CYP3A7: variants seen among roughly 807,000 people sequenced by gnomAD.
The protein encoded by CYP3A7 is cytochrome P450 family 3 subfamily A member 7.
In CYP3A7, 45 loss-of-function variants were observed where a neutral mutation model predicts 55.2. That is an observed-to-expected ratio of 0.82 (90% confidence interval 0.64 to 1.05). CYP3A7 has a LOEUF of 1.05. Among genes scored for constraint, CYP3A7 ranks in the 50% least tolerant of loss-of-function variants. CYP3A7 has a pLI of 0.00. For missense variants in CYP3A7, 548 were observed against 605.3 expected (o/e 0.91, Z 0.99); for synonymous variants, 180 against 207.4 (o/e 0.87, Z 1.13).
chr7:99,730,486 C>T (rs1814570528), intron 2 of CYP3A7: 2 of 154,628 alleles, frequency 1.3e-5, no homozygotes, highest in East Asian at 3.8e-4. Context: ...GGGAGTAAGA[C>T]CTGGGTTAAA....
chr7:99,734,493 T>A (rs1259674286), intron 1 of CYP3A7, among the ~76,000 whole-genome samples: 1 of 152,232 alleles, frequency 6.6e-6, no homozygotes, highest in African/African-American at 2.4e-5. Flanking sequence ...TTCTTTCCAC[T>A]AAAGATGAAT....
chr7:99,713,533 G>A lies in CYP3A7; in HGVS notation c.801C>T (p.His267=). The A allele has an allele frequency of 2.5e-6, 4 of 1,613,362 alleles. No individual in the cohort carries two copies. The highest frequency in any genetic ancestry group is 3.4e-6 in the Non-Finnish European group (4 of 1,179,530). Residue 267 remains histidine, a splice_region_variant and synonymous_variant, in exon 9 of 13, where the codon CAC becomes CAT. Coordinates refer to ENST00000336374, the MANE Select transcript of CYP3A7 (RefSeq NM_000765.5). Reference sequence around the variant, plus strand: ...TCATCAGCTGAAGGAAATCCACTCGGTGCTAGAAGCAAAAAGAGAAATTTT... The same window carrying A: ...TCATCAGCTGAAGGAAATCCACTCGATGCTAGAAGCAAAAAGAGAAATTTT... ...KEGRLKETQK[H]RVDFLQLMID...
At chr7:99,734,154 C>T (rs1314576620) in intron 1 of CYP3A7, among the ~76,000 whole-genome samples, 1 of 152,174 alleles carries the variant, frequency 6.6e-6, no homozygotes, top group Admixed American at 6.5e-5. Flanking sequence ...ACTATGTTAC[C>T]ACAACTCACT....
In CYP3A7 at chr7:99,709,139, G is replaced by T. The variant is rs1398993536; in HGVS notation, c.1149C>A (p.Ile383=). The T allele has an allele frequency of 1.2e-6, 2 of 1,613,956 alleles. No individual in the cohort carries two copies. Among genetic ancestry groups the T allele is most frequent in the Non-Finnish European group, 1.7e-6 (2 of 1,179,938 alleles). ...CCCCTTTGGGAATAAACATCCCATT[G>T]ATTTCAACATCTTTTTTGCAGACCC... ...LERVCKKDVE[I]NGMFIPKGVV... The change falls in exon 11 of 13, where the codon ATC becomes ATA. Residue 383 remains isoleucine, a synonymous_variant. Coordinates refer to ENST00000336374, the MANE Select transcript of CYP3A7 (RefSeq NM_000765.5).
At chr7:99,716,498 A>G (rs1813954733) in intron 6 of CYP3A7, among the ~76,000 whole-genome samples, 1 of 152,168 alleles carries the variant, frequency 6.6e-6, no homozygotes, top group Non-Finnish European at 1.5e-5. Flanking sequence ...TGTAAAATAT[A>G]ATGACAAATG....
Position 99,727,970 on chromosome 7 carries a change from G to A in CYP3A7, c.165+3089C>T, listed in dbSNP as rs541835642. ...AAAGCTGGAGTCATTCACTGCAAAGGCCATCAAAGGGCCTCAGACCCCATT... is the reference window on the plus strand; with the variant it reads ...AAAGCTGGAGTCATTCACTGCAAAGACCATCAAAGGGCCTCAGACCCCATT... On this transcript the variant is annotated intron_variant, in intron 2 of 12. Transcript: ENST00000336374. Among the ~76,000 whole-genome samples, 8 of 152,264 alleles carry A rather than the reference G, an allele frequency of 5.3e-5. No individual in the cohort carries two copies. The East Asian group carries it at 1.5e-3, about 29-fold the overall frequency.
At chr7:99,721,518 G>A (rs1028055879) in intron 3 of CYP3A7, among the ~76,000 whole-genome samples, 3 of 152,096 alleles carry the variant, frequency 2.0e-5, no homozygotes, top group African/African-American at 7.2e-5. Context: ...GGCATCAAGG[G>A]AAGAAAAAAA....
In CYP3A7 at chr7:99,707,871, T is replaced by C; in HGVS notation, c.1357A>G (p.Lys453Glu). The C allele has an allele frequency of 1.2e-6, 2 of 1,614,056 alleles. No individual in the cohort carries two copies. Among genetic ancestry groups the C allele is most frequent in the Non-Finnish European group, 1.7e-6 (2 of 1,179,926 alleles). The change falls in exon 12 of 13, where the codon AAA (lysine) becomes GAA (glutamate). Residue 453 changes from lysine (K) to glutamate (E), a missense_variant. Coordinates refer to ENST00000336374, the MANE Select transcript of CYP3A7 (RefSeq NM_000765.5). ...IGMRFALVNM[K>E]LALVRVLQNF... is the part of the protein sequence containing the mutation. ...TGAAGGACTCTGACTAGAGCAAGTTTCATGTTCACGAGAGCAAACCTCATG... is the reference window on the plus strand; with the variant it reads ...TGAAGGACTCTGACTAGAGCAAGTTCCATGTTCACGAGAGCAAACCTCATG...
chr7:99,718,861 A>G (rs1338082167), intron 4 of CYP3A7, among the ~76,000 whole-genome samples: 1 of 152,216 alleles, frequency 6.6e-6, no homozygotes, highest in Non-Finnish European at 1.5e-5. Context: ...TGTACCAACA[A>G]TCAATATCTG....
At chr7:99,716,864 A>G (rs1813970409) in intron 6 of CYP3A7, among the ~76,000 whole-genome samples, 1 of 152,160 alleles carries the variant, frequency 6.6e-6, no homozygotes, top group African/African-American at 2.4e-5. Context: ...CATACACTCC[A>G]TGCTTAAAAC....
At chr7:99,716,413 C>T (rs1468920414) in intron 6 of CYP3A7, among the ~76,000 whole-genome samples, 1 of 152,188 alleles carries the variant, frequency 6.6e-6, no homozygotes, top group Non-Finnish European at 1.5e-5. Context: ...CTCTATACTC[C>T]CTGCTCAAGC....
chr7:99,710,356 A>T (rs922954205), intron 10 of CYP3A7, among the ~76,000 whole-genome samples: 1 of 152,222 alleles, frequency 6.6e-6, no homozygotes, highest in Non-Finnish European at 1.5e-5. Flanking sequence ...CAGCGCACCC[A>T]GGGCCAGGCT....
chr7:99,731,232 C>T (rs760683872), intron 1 of CYP3A7, 80 bp from the exon 2 acceptor site: 150 of 1,523,160 alleles, frequency 9.8e-5, no homozygotes, highest in Non-Finnish European at 1.3e-4. Flanking sequence ...GACTGAGGAA[C>T]TGGAATGATC....
At chr7:99,720,502 T>C in intron 3 of CYP3A7, 90 bp from the exon 4 acceptor site, 1 of 1,390,580 alleles carries the variant, frequency 7.2e-7, no homozygotes, top group Non-Finnish European at 1.0e-6. Flanking sequence ...GATCCGGACA[T>C]TACATAATCC....
rs148655413 is a variant in CYP3A7, at chr7:99,725,602, G to A, written c.166-3254C>T. Among the ~76,000 whole-genome samples the A allele has an allele frequency of 2.6e-4, 39 of 152,330 alleles. No individual in the cohort carries two copies. In the East Asian group the frequency reaches 6.4e-3, roughly 25 times the overall value. ...CACAGCCTGGGATTCCTCCTAAGCC[G>A]TGCCCTGTCTGTGTGGGCTCCAATT... On this transcript the variant is annotated intron_variant, in intron 2 of 12. Coordinates refer to ENST00000336374, the MANE Select transcript of CYP3A7 (RefSeq NM_000765.5).
At chr7:99,723,112 T>C (rs1177794310) in intron 2 of CYP3A7, among the ~76,000 whole-genome samples, 1 of 152,008 alleles carries the variant, frequency 6.6e-6, no homozygotes, top group Non-Finnish European at 1.5e-5. Context: ...ATCTTGGGGG[T>C]ACATCTACTA....
rs200663057 is a variant in CYP3A7 at position 99,713,507 on chromosome 7, A to G, written c.827T>C (p.Ile276Thr). The G allele has an allele frequency of 3.7e-5, 59 of 1,613,356 alleles. No individual in the cohort carries two copies. The highest frequency in any genetic ancestry group is 5.3e-5 in the African/African-American group (4 of 74,860). The change falls in exon 9 of 13, where the codon ATT becomes ACT. Residue 276 changes from isoleucine (I) to threonine (T), a missense_variant. Ile to Thr is a moderately conservative substitution (Grantham distance 89, BLOSUM62 -1). Transcript: ENST00000336374. ...AGAGTCTTTTGAATTCTGAGAGTCA[A>G]TCATCAGCTGAAGGAAATCCACTCG... is the stretch of plus-strand genomic sequence containing the variant. ...KHRVDFLQLM[I>T]DSQNSKDSET...
In CYP3A7 at chr7:99,714,617, T is replaced by C. The variant is rs115246825; in HGVS notation, c.736A>G (p.Ile246Val). The C allele has an allele frequency of 1.2e-4, 198 of 1,613,350 alleles. No homozygotes were observed. In the African/African-American group the frequency reaches 2.1e-3, roughly 17 times the overall value. Residue 246 changes from isoleucine (I) to valine (V), a missense_variant, in exon 8 of 13, where the codon ATA (isoleucine) becomes GTA (valine). Ile to Val is a conservative substitution (Grantham distance 29). Coordinates refer to ENST00000336374, the MANE Select transcript of CYP3A7 (RefSeq NM_000765.5). ...TTTACAGATTTTGTTAGAAAACTTA[T>C]AACTTTTCTTGGAAACACAGTGATA... is the stretch of plus-strand genomic sequence containing the variant. ...LNITVFPRKV[I>V]SFLTKSVKQI...
rs1166421473 is a variant in CYP3A7 at position 99,717,210 on chromosome 7, T to G, written c.488A>C (p.Glu163Ala). 1.2e-6 allele frequency: 2 copies of G among 1,613,850 alleles called. No individual in the cohort carries two copies. The highest frequency in any genetic ancestry group is 1.7e-6 in the Non-Finnish European group (2 of 1,179,834). The stretch of plus-strand genomic sequence containing the variant: ...GGTGACAGGCTTGCCTGTCTCTGCT[T>G]CCCGCCTCAGATTTCTCACCAACAC... Reference protein sequence around the residue: ...GDVLVRNLRREAETGKPVTLK... With the variant: ...GDVLVRNLRRAAETGKPVTLK... The change falls in exon 6 of 13, where the codon GAA becomes GCA. Residue 163 changes from glutamate to alanine, a missense_variant. Coordinates refer to ENST00000336374, the MANE Select transcript of CYP3A7 (RefSeq NM_000765.5).
Sources: gnomAD v4.1 joint callset for allele counts (sites outside exome capture counted in the v4.1 genomes callset) on GRCh38, gnomAD v4.1.1 for gene constraint, MANE v1.5 for transcripts, NCBI Gene and HGNC (gene_info 2026-07-23, HGNC 2026-07-21) for gene names.